STAB2: variants seen among roughly 807,000 people sequenced by gnomAD.
STAB2 encodes stabilin-2.
A neutral mutation model predicts 338.1 loss-of-function variants in STAB2; 288 were observed. The ratio of observed to expected loss-of-function variants is 0.85; its 90% CI spans 0.77 to 0.94. The LOEUF is 0.94. Among genes scored for constraint, STAB2 ranks in the 40% least tolerant of loss-of-function variants. The pLI, the probability that STAB2 is intolerant of heterozygous loss-of-function variation, is 0.00. For synonymous variants in STAB2, 1,202 were observed against 1,193.3 expected, an observed-to-expected ratio of 1.01 and a Z score of -0.15; for missense variants, 3,141 against 3,210.1, an observed-to-expected ratio of 0.98 and a Z score of 0.52.
rs774889481 is a variant in STAB2, at chr12:103,708,470, C to CA, written c.4224dup (p.Gly1409ArgfsTer9). 24 of 1,613,996 alleles carry CA rather than the reference C, an allele frequency of 1.5e-5. No homozygotes were observed. Among genetic ancestry groups the CA allele is most frequent in the Non-Finnish European group, 1.9e-5 (23 of 1,179,982 alleles). On this transcript the variant is annotated frameshift_variant, in exon 39 of 69. Coordinates refer to ENST00000388887, the MANE Select transcript of STAB2 (RefSeq NM_017564.10). LOFTEE classifies it high-confidence loss of function. ...TTCTTGTGTCCATGGGAGATGCAACCAAGGACCCTTGGGAGATGGCTCCTG... is the reference window on the plus strand; with the variant it reads ...TTCTTGTGTCCATGGGAGATGCAACCAAAGGACCCTTGGGAGATGGCTCCTG...
rs1432636802 is a variant in STAB2, at chr12:103,688,170, AT to A, written c.3002del (p.Leu1001CysfsTer14). ...FLCYGNAAVE[L>X]SFLSEAAIFN... The stretch of plus-strand genomic sequence containing the variant: ...CTCCCTTGCATGATATGAATAAGGA[AT>A]TGTCATTTCTCTCCGAAGCAGCTAT... On this transcript the variant is annotated frameshift_variant, in exon 28 of 69. Transcript: ENST00000388887. LOFTEE classifies it high-confidence loss of function. The A allele has an allele frequency of 6.2e-7, 1 of 1,613,606 alleles. No homozygotes were observed. The highest frequency in any genetic ancestry group is 1.3e-5 in the African/African-American group (1 of 75,008).
At chr12:103,598,317 G>T (rs1307050655) in intron 3 of STAB2, among the ~76,000 whole-genome samples, 3 of 152,174 alleles carry the variant, frequency 2.0e-5, no homozygotes, top group Admixed American at 2.0e-4. Context: ...CTCTTGTGGG[G>T]CAGGAAGTGT....
At chr12:103,619,917 T>C (rs1003853835) in intron 3 of STAB2, among the ~76,000 whole-genome samples, 2 of 152,162 alleles carry the variant, frequency 1.3e-5, no homozygotes, top group African/African-American at 2.4e-5. Context: ...AGCCAATTCC[T>C]ACTGCACCTT....
chr12:103,763,577 C>T lies in STAB2; in HGVS notation c.7574C>T (p.Ala2525Val). The T allele has an allele frequency of 6.2e-7, 1 of 1,614,084 alleles. No homozygotes were observed. The highest frequency in any genetic ancestry group is 8.5e-7 in the Non-Finnish European group (1 of 1,179,980). The change falls in exon 68 of 69, where the codon GCT becomes GTT. Residue 2525 changes from alanine (A) to valine (V), a missense_variant. Physicochemically the swap from Ala to Val is moderately conservative, Grantham distance 64. Transcript: ENST00000388887. ...SNPLYESTTSAPPEPSYDPFT... is the reference protein window; with the variant it reads ...SNPLYESTTSVPPEPSYDPFT... The stretch of plus-strand genomic sequence containing the variant: ...CCCTTGTATGAGAGCACAACCTCAG[C>T]TCCCCCAGAACCTTCCTACGACCCC...
At chr12:103,635,068 G>C (rs987801624) in intron 6 of STAB2, among the ~76,000 whole-genome samples, 4 of 152,204 alleles carry the variant, frequency 2.6e-5, no homozygotes, top group Non-Finnish European at 5.9e-5. Flanking sequence ...CCACTGTTGG[G>C]AGACAATTCT....
At chr12:103,741,486 C>T (rs556431643) in intron 55 of STAB2, among the ~76,000 whole-genome samples, 1 of 152,298 alleles carries the variant, frequency 6.6e-6, no homozygotes, top group African/African-American at 2.4e-5. Flanking sequence ...GAGGGTCTCA[C>T]TCTGTTACCC....
intron 6 of STAB2, among the ~76,000 whole-genome samples, chr12:103,636,105 G>A (rs891434357): frequency 2.0e-5 from 3 of 151,990 alleles, no homozygotes; most frequent in East Asian, 3.9e-4. Flanking sequence ...GTGCAGGTTT[G>A]TTACATCTGT....
chr12:103,701,743 G>T (rs1051902381), intron 34 of STAB2, among the ~76,000 whole-genome samples: 3 of 152,004 alleles, frequency 2.0e-5, no homozygotes, highest in Non-Finnish European at 2.9e-5. Context: ...ACAGACCTTG[G>T]AACACCTCTG....
intron 44 of STAB2, among the ~76,000 whole-genome samples, chr12:103,720,512 AT>A (rs1286621537): frequency 6.6e-6 from 1 of 152,198 alleles, no homozygotes; most frequent in Non-Finnish European, 1.5e-5. Context: ...AGATATGAAA[AT>A]TTATGAATTT....
Position 103,637,130 on chromosome 12 carries a change from C to A in STAB2, c.603C>A (p.Ala201=), listed in dbSNP as rs1301278403. Residue 201 remains alanine (A), a synonymous_variant, in exon 7 of 69, where the codon GCC becomes GCA. Transcript: ENST00000388887. ...ATGCAGCCATCCCTGAATGTGCAGC[C>A]TTGCTCTGCCCAGAAAATTCCAGAT... is the stretch of plus-strand genomic sequence containing the variant. ...KCDKPIPECA[A]LLCPENSRCS... 2 of 1,612,334 alleles carry A rather than the reference C, an allele frequency of 1.2e-6. No homozygotes were observed. The highest frequency in any genetic ancestry group is 2.7e-5 in the African/African-American group (2 of 74,844).
intron 9 of STAB2, among the ~76,000 whole-genome samples, chr12:103,642,931 C>A (rs984776554): frequency 6.6e-6 from 1 of 152,170 alleles, no homozygotes; most frequent in African/African-American, 2.4e-5. Context: ...GTGAATATAC[C>A]CTTGCCTCAG....
intron 8 of STAB2, among the ~76,000 whole-genome samples, chr12:103,639,581 G>A (rs1445310222): frequency 2.0e-5 from 3 of 151,806 alleles, no homozygotes; most frequent in African/African-American, 7.3e-5. Context: ...GTCCACACCT[G>A]TAATCCCAGC....
At chr12:103,652,332 TC>T (rs1455575176) in intron 11 of STAB2, among the ~76,000 whole-genome samples, 1 of 152,174 alleles carries the variant, frequency 6.6e-6, no homozygotes. Context: ...CCTCCAACTC[TC>T]CAGGTTTCTA....
chr12:103,667,371 G>A (rs1399558958), intron 19 of STAB2, among the ~76,000 whole-genome samples: 6 of 152,152 alleles, frequency 3.9e-5, no homozygotes, highest in Admixed American at 1.3e-4. Context: ...TTATGCAGCA[G>A]CCCCACGAGG....
chr12:103,624,031 C>T (rs1272207139), intron 5 of STAB2, among the ~76,000 whole-genome samples: 1 of 152,214 alleles, frequency 6.6e-6, no homozygotes. Context: ...CCACTTGGGC[C>T]CTGACTTTCG....
At chr12:103,675,489 AG>A (rs1180844914) in intron 23 of STAB2, among the ~76,000 whole-genome samples, 2 of 152,238 alleles carry the variant, frequency 1.3e-5, no homozygotes, top group Non-Finnish European at 2.9e-5. Context: ...GCTGAACCAG[AG>A]GTAATAATTA....
chr12:103,650,485 C>T lies in STAB2; in HGVS notation c.1175-11C>T, dbSNP rs755926833. 98 of 1,611,306 alleles carry T rather than the reference C, an allele frequency of 6.1e-5. No homozygotes were observed. Among genetic ancestry groups the T allele is most frequent in the Middle Eastern group, 3.3e-4 (2 of 6,064 alleles). Reference sequence around the variant, plus strand: ...GGCGTTTTCTTTCTTTGTGTTATTTCGACTCCTAAGACAAAGCTTATGCCT... The same window carrying T: ...GGCGTTTTCTTTCTTTGTGTTATTTTGACTCCTAAGACAAAGCTTATGCCT... On this transcript the variant is annotated splice_polypyrimidine_tract_variant and intron_variant, in intron 10 of 68. Transcript: ENST00000388887.
chr12:103,645,922 G>A (rs1873295522), intron 9 of STAB2, among the ~76,000 whole-genome samples: 1 of 152,100 alleles, frequency 6.6e-6, no homozygotes, highest in African/African-American at 2.4e-5. Flanking sequence ...CTGGTTGAGA[G>A]CCAATTCTTC....
intron 59 of STAB2, among the ~76,000 whole-genome samples, chr12:103,749,951 G>C (rs1323770833): frequency 6.7e-6 from 1 of 150,162 alleles, no homozygotes; most frequent in Non-Finnish European, 1.5e-5. Flanking sequence ...GGTGGTTCTA[G>C]AGTCAGATTG....
Sources: gnomAD v4.1 joint callset for allele counts (sites outside exome capture counted in the v4.1 genomes callset) on GRCh38, gnomAD v4.1.1 for gene constraint, MANE v1.5 for transcripts, NCBI Gene and HGNC (gene_info 2026-07-23, HGNC 2026-07-21) for gene names.